SLC5A10: variants seen among roughly 807,000 people sequenced by gnomAD.
SLC5A10 encodes the protein solute carrier family 5 member 10, also known as sodium/mannose cotransporter SLC5A10.
Under a neutral mutation model 68.9 loss-of-function variants are expected in SLC5A10, and 55 were observed. That is an observed-to-expected ratio of 0.80 (90% CI 0.64 to 1.00). SLC5A10 has a LOEUF of 1.00. SLC5A10 is among the 50% of genes least tolerant of loss of function. The pLI, the probability that SLC5A10 is intolerant of heterozygous loss-of-function variation, is 0.00. For synonymous variants in SLC5A10, 344 were observed against 344.8 expected (o/e 1.00, Z 0.02); for missense variants, 732 against 819.3 (o/e 0.89, Z 1.30).
Position 19,019,750 on chromosome 17 carries a change from G to C in SLC5A10, c.1448G>C (p.Gly483Ala), listed in dbSNP as rs1374789706. The change falls in exon 13 of 15, where the codon GGG becomes GCG. Residue 483 changes from glycine (G) to alanine (A), a missense_variant. Transcript: ENST00000395645. Reference protein sequence around the residue: ...FWGLIAGLVVGATRLVLEFLN... With the variant: ...FWGLIAGLVVAATRLVLEFLN... ...GGCCTGATAGCAGGGCTGGTGGTGG[G>C]GGCCACGAGGCTGGTCCTGGAATTC... 6.2e-7 allele frequency: 1 copy of C among 1,612,284 alleles called. No homozygotes were observed. Among genetic ancestry groups the C allele is most frequent in the Non-Finnish European group, 8.5e-7 (1 of 1,179,738 alleles).
Position 19,020,405 on chromosome 17 carries a change from A to G in SLC5A10, c.1765A>G (p.Ile589Val). ...FNAILLMCVN[I>V]FFYAYFA Reference sequence around the variant, plus strand: ...TGCCATCCTCCTCATGTGTGTCAACATATTCTTTTATGCCTACTTCGCCTG... The same window carrying G: ...TGCCATCCTCCTCATGTGTGTCAACGTATTCTTTTATGCCTACTTCGCCTG... The change falls in exon 15 of 15, where the codon ATA becomes GTA. Residue 589 changes from isoleucine to valine, a missense_variant. Physicochemically the swap from Ile to Val is conservative, Grantham distance 29 (BLOSUM62 3). Transcript: ENST00000395645. 2 of 1,613,930 alleles carry G rather than the reference A, an allele frequency of 1.2e-6. No homozygotes were observed. Among genetic ancestry groups the G allele is most frequent in the South Asian group, 1.1e-5 (1 of 91,076 alleles).
In SLC5A10 at chr17:19,007,370, G is replaced by C. The variant is rs1053101397; in HGVS notation, c.983-6040G>C. On this transcript the variant is annotated intron_variant, in intron 9 of 14. Transcript: ENST00000395645. ...CTTTTGCCCATTTTCTAAATGGATT[G>C]TCTATTTTTTAACTCTTGAGTTTTA... is the stretch of plus-strand genomic sequence containing the variant. Among the ~76,000 whole-genome samples the C allele has an allele frequency of 1.1e-4, 17 of 152,096 alleles. 2 individuals are homozygous for C. The highest frequency in any genetic ancestry group is 7.9e-4 in the Admixed American group (12 of 15,266).
intron 5 of SLC5A10, among the ~76,000 whole-genome samples, chr17:18,963,567 G>A (rs1284440061): frequency 6.6e-6 from 1 of 152,268 alleles, no homozygotes; most frequent in Non-Finnish European, 1.5e-5. Flanking sequence ...TACCCTGGCT[G>A]TTTGAAGTGC....
intron 9 of SLC5A10, chr17:18,978,600 T>A: frequency 2.5e-6 from 4 of 1,613,164 alleles, no homozygotes; most frequent in Non-Finnish European, 3.4e-6. Flanking sequence ...TCGTCGACGC[T>A]CTTGGCCTTG....
chr17:19,015,448 C>T (rs962567868), intron 11 of SLC5A10, among the ~76,000 whole-genome samples: 8 of 152,140 alleles, frequency 5.3e-5, no homozygotes, highest in South Asian at 2.1e-4. Flanking sequence ...CAGGGGCCAG[C>T]CCTCCCTCCC....
At chr17:18,975,718 G>A (rs966417398) in intron 8 of SLC5A10, 1 of 151,910 alleles carries the variant, frequency 6.6e-6, no homozygotes, top group Non-Finnish European at 1.5e-5. Flanking sequence ...AATCATAGAG[G>A]CTTCCTGCTC....
chr17:18,982,124 C>T (rs1038124652), intron 9 of SLC5A10, among the ~76,000 whole-genome samples: 23 of 152,248 alleles, frequency 1.5e-4, no homozygotes, highest in African/African-American at 5.1e-4. Flanking sequence ...ACTCAGCCTC[C>T]GTGTGAGCCG....
intron 9 of SLC5A10, among the ~76,000 whole-genome samples, chr17:18,979,971 A>G (rs771086600): frequency 4.6e-5 from 7 of 152,138 alleles, no homozygotes; most frequent in Non-Finnish European, 8.8e-5. Flanking sequence ...CAGGCAGGAA[A>G]AGGCTTACAC....
At chr17:18,977,917 ATCT>A (rs777773357) in intron 9 of SLC5A10, 32 of 1,609,788 alleles carry the variant, frequency 2.0e-5, no homozygotes, top group Middle Eastern at 1.6e-4. Flanking sequence ...AGTCGTCATC[ATCT>A]TCTTCTTCCA....
chr17:18,969,649 C>T (rs2042789643), intron 7 of SLC5A10: 2 of 480,742 alleles, frequency 4.2e-6, no homozygotes, highest in Non-Finnish European at 7.3e-6. Flanking sequence ...CCGCTGTTAC[C>T]AGCTCTGGCC....
rs1160927447 is a variant in SLC5A10, at chr17:18,952,239, C to T, written c.34C>T (p.Pro12Ser). 1.2e-6 allele frequency: 2 copies of T among 1,613,886 alleles called. No individual in the cohort carries two copies. The highest frequency in any genetic ancestry group is 1.7e-5 in the Admixed American group (1 of 60,000). The change falls in exon 1 of 15, where the codon CCC (proline) becomes TCC (serine). Residue 12 changes from proline (P) to serine (S), a missense_variant. Pro to Ser is a moderately conservative substitution (Grantham distance 74, BLOSUM62 -1). Coordinates refer to ENST00000395645, the MANE Select transcript of SLC5A10 (RefSeq NM_001042450.4). ...CAACTCCACCAGCGACCTCCACACT[C>T]CCGGGACGCAGCTGAGCGTGGCTGA... is the stretch of plus-strand genomic sequence containing the variant. ...AANSTSDLHTPGTQLSVADII... is the reference protein window; with the variant it reads ...AANSTSDLHTSGTQLSVADII...
rs926557727 is a variant in SLC5A10, at chr17:19,000,803, T to C, written c.983-12607T>C. 2.0e-5 allele frequency among the ~76,000 whole-genome samples: 3 copies of C among 151,932 alleles called. No individual in the cohort carries two copies. Among genetic ancestry groups the C allele is most frequent in the Admixed American group, 6.5e-5 (1 of 15,274 alleles). ...AAGCATGGGCACGAGAGGTGATTCA[T>C]GGGGAGAGATAAGGCAGGGAGCGCT... is the stretch of plus-strand genomic sequence containing the variant. On this transcript the variant is annotated intron_variant, in intron 9 of 14. Coordinates refer to ENST00000395645, the MANE Select transcript of SLC5A10 (RefSeq NM_001042450.4). This position sits in a 1 kb window ranked among gnomAD's most constrained non-coding sequence, Gnocchi z 5.2.
At chr17:18,977,517 G>T in intron 9 of SLC5A10, 2 of 1,474,892 alleles carry the variant, frequency 1.4e-6, no homozygotes, top group Non-Finnish European at 1.8e-6. Flanking sequence ...GAAGACAACA[G>T]CTCGAGCTCT....
At chr17:18,983,725 C>T (rs2043195165) in intron 9 of SLC5A10, among the ~76,000 whole-genome samples, 1 of 152,190 alleles carries the variant, frequency 6.6e-6, no homozygotes. Flanking sequence ...GGGTGGTCAA[C>T]ACTCACCCTG....
At chr17:18,998,376 T>C (rs1001384597) in intron 9 of SLC5A10, among the ~76,000 whole-genome samples, 11 of 152,342 alleles carry the variant, frequency 7.2e-5, no homozygotes, top group African/African-American at 2.4e-4. Context: ...CACTCTCTGC[T>C]GGCCCAGGGG....
At position 18,959,229 on chromosome 17, in the gene SLC5A10, T is replaced by G. The variant is rs1218980247; in HGVS notation, c.278T>G (p.Phe93Cys). 1.9e-6 allele frequency: 3 copies of G among 1,613,080 alleles called. No homozygotes were observed. Among genetic ancestry groups the G allele is most frequent in the African/African-American group, 2.7e-5 (2 of 74,910 alleles). The change falls in exon 3 of 15, where the codon TTC becomes TGC. Residue 93 changes from phenylalanine (F) to cysteine (C), a missense_variant. Coordinates refer to ENST00000395645, the MANE Select transcript of SLC5A10 (RefSeq NM_001042450.4). ...GCAGGAGGTCTGGCCGTGGCAGGCT[T>G]CGAGTGGAATGTGAGTCCTGGAGGA... ...GAAGGLAVAG[F>C]EWNATYVLLA...
At chr17:19,014,552 GC>G (rs1456675748) in intron 10 of SLC5A10, among the ~76,000 whole-genome samples, 1 of 152,184 alleles carries the variant, frequency 6.6e-6, no homozygotes, top group Non-Finnish European at 1.5e-5. Context: ...TGGCCTTCAA[GC>G]AGAGGCCCCG....
At position 18,963,581 on chromosome 17, in the gene SLC5A10, C is replaced by T. The variant is rs538020685; in HGVS notation, c.453+2929C>T. 5.3e-5 allele frequency among the ~76,000 whole-genome samples: 8 copies of T among 152,374 alleles called. No homozygotes were observed. The East Asian group carries it at 5.8e-4, about 11-fold the overall frequency. The stretch of plus-strand genomic sequence containing the variant: ...CTACCCTGGCTGTTTGAAGTGCACG[C>T]GCCCAGGCGGTCCCCAGAGGCCCTG... On this transcript the variant is annotated intron_variant, in intron 5 of 14. Transcript: ENST00000395645.
At chr17:18,979,133 T>C (rs2074270) in intron 9 of SLC5A10, 324,260 of 523,824 alleles carry the variant, frequency 0.62, 101,118 homozygotes, top group East Asian at 0.75. Context: ...CCCTGGACAC[T>C]GTGGGGGGTT....
Sources: allele counts gnomAD v4.1 joint callset (sites outside exome capture counted in the v4.1 genomes callset), GRCh38; gene constraint gnomAD v4.1.1; non-coding constraint Gnocchi (gnomAD v3.1); transcripts MANE v1.5; gene names NCBI Gene and HGNC (gene_info 2026-07-23, HGNC 2026-07-21).